Variants in SASH1 observed in about 807,000 individuals in gnomAD.
SASH1 encodes SAM and SH3 domain containing 1, also known as SAM and SH3 domain-containing protein 1.
A neutral mutation model predicts 125.2 loss-of-function variants in SASH1; 44 were observed. The observed-to-expected ratio is 0.35, with a 90% CI of 0.28 to 0.45. The LOEUF is 0.45. Among genes scored for constraint, SASH1 ranks in the 20% least tolerant of loss-of-function variants. The probability of loss-of-function intolerance (pLI) is 1.00; values close to 1 mark genes in which losing one functional copy is unlikely to be tolerated. For missense variants in SASH1, 1,426 were observed against 1,614.5 expected (o/e 0.88, Z 2.00); for synonymous variants, 639 against 649.1 (o/e 0.98, Z 0.24).
At chr6:148,332,478 G>A (rs1486743906) in intron 1 of SASH1, among the ~76,000 whole-genome samples, 1 of 151,982 alleles carries the variant, frequency 6.6e-6, no homozygotes, top group Admixed American at 6.6e-5. Context: ...CAAATAACAA[G>A]TATTTAAATG....
At chr6:148,427,550 G>T (rs1362760180) in intron 2 of SASH1, among the ~76,000 whole-genome samples, 1 of 152,072 alleles carries the variant, frequency 6.6e-6, no homozygotes, top group Admixed American at 6.5e-5. Flanking sequence ...TGCTTGGTAT[G>T]TGGTATGCAC....
chr6:148,525,178 G>T (rs1208042513), intron 10 of SASH1, 113 bp from the exon 11 acceptor site: 1 of 747,112 alleles, frequency 1.3e-6, no homozygotes. Context: ...CTTTCATCCT[G>T]TCCACGTATT....
At chr6:148,221,991 A>T in the SASH1 span, among the ~76,000 whole-genome samples, 7 of 152,130 alleles carry the variant, frequency 4.6e-5, no homozygotes, top group Admixed American at 2.0e-4. Context: ...CTACCCATAA[A>T]ATAAAACTGA....
At chr6:148,471,113 A>G (rs906607071) in intron 5 of SASH1, among the ~76,000 whole-genome samples, 2 of 152,040 alleles carry the variant, frequency 1.3e-5, no homozygotes, top group African/African-American at 4.8e-5. Flanking sequence ...AATTAGGCAT[A>G]CTAGTTAAAC....
chr6:148,255,411 G>A, the SASH1 span, among the ~76,000 whole-genome samples: 16 of 152,144 alleles, frequency 1.1e-4, no homozygotes, highest in South Asian at 4.2e-4. Flanking sequence ...TCAGAAGCTC[G>A]TTTAGCCTTA....
At chr6:148,351,235 T>C (rs951912593) in intron 1 of SASH1, among the ~76,000 whole-genome samples, 11 of 149,390 alleles carry the variant, frequency 7.4e-5, no homozygotes, top group Admixed American at 1.4e-4. Context: ...CTTCTATGGC[T>C]TTCAAGATGA....
At chr6:148,525,125 G>A (rs950403364) in intron 10 of SASH1, 166 bp from the exon 11 acceptor site, 122 of 615,046 alleles carry the variant, frequency 2.0e-4, no homozygotes, top group Admixed American at 7.0e-4. Context: ...GTTTCCTTAC[G>A]ACATGACTCA....
chr6:148,449,078 C>CTTTTTCTTTTTTTTTTTTTTTTTT, intron 4 of SASH1, among the ~76,000 whole-genome samples: 1 of 88,736 alleles, frequency 1.1e-5, no homozygotes, highest in Admixed American at 1.2e-4. Flanking sequence ...CATTTCATTT[C>CTTTTTCTTTTTTTTTTTTTTTTTT]TTTTTTTTTT....
chr6:148,295,656 A>G (rs1779745328), intron 1 of SASH1, among the ~76,000 whole-genome samples: 1 of 152,234 alleles, frequency 6.6e-6, no homozygotes, highest in African/African-American at 2.4e-5. Context: ...TGATACATTC[A>G]GTTTAAGCTG....
Position 148,532,076 on chromosome 6 carries a change from T to TTTTA in SASH1, c.1564+419_1564+422dup, listed in dbSNP as rs1451165271. Among the ~76,000 whole-genome samples, 1 of 151,916 alleles carries TTTTA rather than the reference T, an allele frequency of 6.6e-6. No individual in the cohort carries two copies. The highest frequency in any genetic ancestry group is 1.5e-5 in the Non-Finnish European group (1 of 67,968). ...GGTATGAAGGAAAAGATCAACTTTA[T>TTTTA]TTTATTTTTATTTTTATTTTTGAGA... On this transcript the variant is annotated intron_variant, in intron 13 of 19. Coordinates refer to ENST00000367467, the MANE Select transcript of SASH1 (RefSeq NM_015278.5). This position sits in a 1 kb window ranked among gnomAD's most constrained non-coding sequence, Gnocchi z 4.7.
Position 148,512,819 on chromosome 6 carries a change from G to A in SASH1, c.730-1505G>A, listed in dbSNP as rs1242241589. On this transcript the variant is annotated intron_variant, in intron 8 of 19. Transcript: ENST00000367467. ...GACATAGATATTAATACACTTTACA[G>A]AAGAGAAGTCTGAGAAACACTTCTG... 4.1e-6 allele frequency: 4 copies of A among 985,054 alleles called. No individual in the cohort carries two copies. In the East Asian group the frequency reaches 3.4e-4, roughly 84 times the overall value. The allele number at this position is 985,054 out of a possible 1,614,324, so 61.0% of individuals were successfully genotyped here.
At chr6:148,520,245 G>C (rs1414555237) in intron 10 of SASH1, 1 of 228,478 alleles carries the variant, frequency 4.4e-6, no homozygotes, top group Non-Finnish European at 8.7e-6. Context: ...GCCTGCCTCA[G>C]ACAGGACCCT....
intron 15 of SASH1, 107 bp downstream of exon 15, chr6:148,534,087 T>A: frequency 1.1e-6 from 1 of 905,126 alleles, no homozygotes; most frequent in Non-Finnish European, 1.7e-6. Context: ...CTGATCTGTG[T>A]GGTCCAATAA....
chr6:148,346,487 C>CAAAAAAAA (rs71688552), intron 1 of SASH1, among the ~76,000 whole-genome samples: 1 of 139,382 alleles, frequency 7.2e-6, no homozygotes, highest in Non-Finnish European at 1.6e-5. Context: ...AACAAGCTTG[C>CAAAAAAAA]AAAAAAAAAA....
At chr6:148,514,549 G>T (rs1240400707) in intron 9 of SASH1, 93 bp downstream of exon 9, 2 of 1,366,834 alleles carry the variant, frequency 1.5e-6, no homozygotes, top group East Asian at 5.2e-5. Flanking sequence ...AGCAGAAAAG[G>T]GATACGATTT....
the SASH1 span, among the ~76,000 whole-genome samples, chr6:148,224,078 G>C: frequency 1.3e-5 from 2 of 152,212 alleles, no homozygotes; most frequent in African/African-American, 4.8e-5. Context: ...AGGATCACTT[G>C]AGGCCAGGAG....
intron 4 of SASH1, among the ~76,000 whole-genome samples, chr6:148,451,780 T>C (rs1454385098): frequency 2.5e-4 from 38 of 152,282 alleles, no homozygotes; most frequent in Non-Finnish European, 2.9e-5. Flanking sequence ...CCAGATTCAG[T>C]GAAAAGGGCT....
At chr6:148,272,977 G>A (rs1268408825) in intron 1 of SASH1, among the ~76,000 whole-genome samples, 1 of 151,994 alleles carries the variant, frequency 6.6e-6, no homozygotes, top group African/African-American at 2.4e-5. Context: ...GTTTATATTT[G>A]GGCTGAACAT....
intron 2 of SASH1, among the ~76,000 whole-genome samples, chr6:148,428,303 C>G (rs1775911589): frequency 6.6e-6 from 1 of 151,896 alleles, no homozygotes; most frequent in Admixed American, 6.6e-5. Context: ...CGTGGTGAGG[C>G]CTAAATAAAT....
Sources: allele counts gnomAD v4.1 joint callset (sites outside exome capture counted in the v4.1 genomes callset), GRCh38; gene constraint gnomAD v4.1.1; non-coding constraint Gnocchi (gnomAD v3.1); transcripts MANE v1.5; gene names NCBI Gene and HGNC (gene_info 2026-07-23, HGNC 2026-07-21).